NLRP4: variants seen among roughly 807,000 people sequenced by gnomAD.
NLRP4 encodes NLR family pyrin domain containing 4.
In NLRP4, 44 loss-of-function variants were observed where a neutral mutation model predicts 84.7. The observed-to-expected ratio is 0.52, with a 90% CI of 0.41 to 0.67. The LOEUF (loss-of-function observed/expected upper bound fraction) is 0.67. NLRP4 is among the 30% of genes least tolerant of loss of function. The probability of loss-of-function intolerance (pLI) is 0.00; values close to 1 mark genes in which losing one functional copy is unlikely to be tolerated. For synonymous variants in NLRP4, 544 were observed against 476.4 expected, an observed-to-expected ratio of 1.14 and a Z score of -1.85; for missense variants, 1,260 against 1,219.4, an observed-to-expected ratio of 1.03 and a Z score of -0.50.
chr19:55,864,301 C>T (rs754070600), intron 5 of NLRP4, among the ~76,000 whole-genome samples: 3 of 152,216 alleles, frequency 2.0e-5, no homozygotes, highest in Non-Finnish European at 4.4e-5. Flanking sequence ...TCCCAGGCGT[C>T]TCATGTAAGT....
chr19:55,851,707 TGTCCGA>T (rs879652297), intron 1 of NLRP4, among the ~76,000 whole-genome samples: 1,538 of 112,090 alleles, frequency 0.014, 69 homozygotes, highest in Middle Eastern at 0.024. Context: ...TGCGGTGTAA[TGTCCGA>T]GGCTGCGGTG....
intron 5 of NLRP4, among the ~76,000 whole-genome samples, chr19:55,867,427 G>T (rs953398491): frequency 6.8e-6 from 1 of 146,470 alleles, no homozygotes; most frequent in Non-Finnish European, 1.5e-5. Flanking sequence ...CCCAGAGACC[G>T]TAAGCCAAGC....
chr19:55,850,638 C>T (rs555503692), intron 1 of NLRP4, among the ~76,000 whole-genome samples: 6 of 123,070 alleles, frequency 4.9e-5, no homozygotes, highest in South Asian at 5.1e-4. Flanking sequence ...TCCGAGGCTG[C>T]GGTGTAATGT....
At chr19:55,853,318 C>T (rs442189) in intron 2 of NLRP4, among the ~76,000 whole-genome samples, 12,865 of 152,184 alleles carry the variant, frequency 0.085, 637 homozygotes, top group Middle Eastern at 0.12. Flanking sequence ...TAACTTTCTT[C>T]AGTTCTCAAT....
At chr19:55,872,925 A>G (rs302441) in intron 7 of NLRP4, among the ~76,000 whole-genome samples, 107,115 of 151,894 alleles carry the variant, frequency 0.71, 38,375 homozygotes, top group Middle Eastern at 0.81. Context: ...GGGGCGGGGG[A>G]AAGTGATATC....
At chr19:55,865,080 G>A (rs899765837) in intron 5 of NLRP4, among the ~76,000 whole-genome samples, 12 of 152,186 alleles carry the variant, frequency 7.9e-5, no homozygotes, top group Admixed American at 2.6e-4. Context: ...AAATTATTTC[G>A]TCACCCGTTA....
chr19:55,868,214 G>A lies in NLRP4; in HGVS notation c.2354+338G>A, dbSNP rs75312559. On this transcript the variant is annotated intron_variant, in intron 6 of 9. Transcript: ENST00000301295. ...ACATGGTACTTCCCGTGTTGATAAC[G>A]GTTATTTCGAGCATGTAGAATAGAC... Among the ~76,000 whole-genome samples, 565 of 152,294 alleles carry A rather than the reference G, an allele frequency of 3.7e-3. 7 individuals carry two copies. Among genetic ancestry groups the A allele is most frequent in the East Asian group, 0.024 (127 of 5,184 alleles).
intron 1 of NLRP4, among the ~76,000 whole-genome samples, chr19:55,850,936 T>C (rs1984098922): frequency 1.1e-5 from 1 of 94,274 alleles, no homozygotes. Context: ...TGTCCGTGGC[T>C]GCGGTGTAAT....
chr19:55,873,577 TAGTA>T (rs1276997899), intron 7 of NLRP4, among the ~76,000 whole-genome samples: 2 of 152,162 alleles, frequency 1.3e-5, no homozygotes, highest in Non-Finnish European at 2.9e-5. Context: ...TTGTGAACTG[TAGTA>T]AGTGCCACTG....
chr19:55,852,173 G>A lies in NLRP4; in HGVS notation c.93G>A (p.Lys31=). 1 of 1,609,528 alleles carries A rather than the reference G, an allele frequency of 6.2e-7. No individual in the cohort carries two copies. Among genetic ancestry groups the A allele is most frequent in the Middle Eastern group, 1.7e-4 (1 of 6,048 alleles). ...EEFRKFKEHL[K]QMTLQLELKQ... ...TCAGGAAATTTAAAGAACATCTCAA[G>A]CAAATGACTTTGCAGCTTGAACTCA... Residue 31 remains lysine (K), a synonymous_variant, in exon 2 of 10, where the codon AAG becomes AAA. Coordinates refer to ENST00000301295, the MANE Select transcript of NLRP4 (RefSeq NM_134444.5).
At chr19:55,874,435 C>T (rs752168872) in intron 7 of NLRP4, among the ~76,000 whole-genome samples, 5 of 152,146 alleles carry the variant, frequency 3.3e-5, no homozygotes, top group Admixed American at 6.5e-5. Context: ...GAGTGCAGGT[C>T]TATGTCAAGA....
intron 3 of NLRP4, among the ~76,000 whole-genome samples, chr19:55,860,280 C>A (rs138460713): frequency 6.6e-6 from 1 of 152,116 alleles, no homozygotes; most frequent in African/African-American, 2.4e-5. Flanking sequence ...CCACCGTGCC[C>A]GGCCAAATCA....
intron 1 of NLRP4, among the ~76,000 whole-genome samples, chr19:55,850,769 C>A (rs1471963873): frequency 1.5e-5 from 2 of 131,270 alleles, no homozygotes; most frequent in Non-Finnish European, 3.1e-5. Context: ...GGTGTAATTT[C>A]CGAGGCTGCG....
At chr19:55,850,069 C>T (rs1275091758) in intron 1 of NLRP4, among the ~76,000 whole-genome samples, 1 of 146,770 alleles carries the variant, frequency 6.8e-6, no homozygotes, top group Non-Finnish European at 1.5e-5. Flanking sequence ...GGTGGAATTT[C>T]CGAGACTGCG....
In NLRP4 at chr19:55,879,929, C is replaced by T. The variant is rs565518001; in HGVS notation, c.2867+965C>T. 9.6e-3 allele frequency among the ~76,000 whole-genome samples: 1,399 copies of T among 145,752 alleles called. 28 individuals carry two copies. Among genetic ancestry groups the T allele is most frequent in the African/African-American group, 0.033 (1,313 of 39,720 alleles). On this transcript the variant is annotated intron_variant, in intron 9 of 9. Coordinates refer to ENST00000301295, the MANE Select transcript of NLRP4 (RefSeq NM_134444.5). Reference sequence around the variant, plus strand: ...TAAGTATAACATTTATAAATAGAAACTTATATAAACATAATTTATATTTTA... The same window carrying T: ...TAAGTATAACATTTATAAATAGAAATTTATATAAACATAATTTATATTTTA...
intron 1 of NLRP4, among the ~76,000 whole-genome samples, chr19:55,846,203 G>T (rs1311002007): frequency 6.6e-6 from 1 of 152,148 alleles, no homozygotes; most frequent in Non-Finnish European, 1.5e-5. Context: ...TTTGTATAAG[G>T]TATAAGGAAG....
chr19:55,857,605 GA>G (rs751458288), intron 2 of NLRP4, 68 bp from the exon 3 acceptor site: 4 of 1,471,488 alleles, frequency 2.7e-6, no homozygotes, highest in Non-Finnish European at 1.9e-6. Context: ...ATCCTGAGAA[GA>G]AAAAAAGAAT....
chr19:55,861,595 A>G (rs1325042054), intron 4 of NLRP4, 48 bp downstream of exon 4: 5 of 1,544,142 alleles, frequency 3.2e-6, no homozygotes, highest in South Asian at 2.3e-5. Flanking sequence ...GAGATGACCT[A>G]TTCATCTCAC....
At chr19:55,876,648 C>G (rs889850408) in intron 7 of NLRP4, among the ~76,000 whole-genome samples, 2 of 152,166 alleles carry the variant, frequency 1.3e-5, no homozygotes, top group African/African-American at 4.8e-5. Context: ...CACGCATGAG[C>G]CACCGCATCT....
Sources: allele counts gnomAD v4.1 joint callset (sites outside exome capture counted in the v4.1 genomes callset), GRCh38; gene constraint gnomAD v4.1.1; transcripts MANE v1.5; gene names NCBI Gene and HGNC (gene_info 2026-07-23, HGNC 2026-07-21).